The following RAB1A variants were observed in gnomAD, a reference collection of about 807,000 sequenced individuals.
RAB1A encodes ras-related protein Rab-1A.
A neutral mutation model predicts 26.0 loss-of-function variants in RAB1A; 2 were observed. The observed-to-expected ratio is 0.08, with a 90% CI of 0.03 to 0.24. RAB1A has a LOEUF of 0.24. Ranked by LOEUF, RAB1A falls within the 10% of genes least tolerant of loss-of-function variation. The pLI, the probability that RAB1A is intolerant of heterozygous loss-of-function variation, is 1.00. For missense variants in RAB1A, 100 were observed against 247.0 expected (o/e 0.40, Z 3.99); for synonymous variants, 84 against 84.9 (o/e 0.99, Z 0.06).
chr2:65,091,593 C>G (rs1005990250), intron 3 of RAB1A, among the ~76,000 whole-genome samples: 1 of 152,174 alleles, frequency 6.6e-6, no homozygotes, highest in Non-Finnish European at 1.5e-5. Flanking sequence ...GTGGCATGAT[C>G]ATGGCTCGCT....
intron 1 of RAB1A, among the ~76,000 whole-genome samples, chr2:65,119,132 G>A (rs1669891867): frequency 2.0e-5 from 3 of 152,164 alleles, no homozygotes; most frequent in Non-Finnish European, 2.9e-5. Context: ...CAGAGCCTGG[G>A]AAGTCCAGGC....
At chr2:65,108,367 A>AT (rs1371202352) in intron 1 of RAB1A, among the ~76,000 whole-genome samples, 1 of 124,172 alleles carries the variant, frequency 8.1e-6, no homozygotes, top group Non-Finnish European at 1.7e-5. Flanking sequence ...AAAAAAAAAA[A>AT]AAAAGAAAGA....
In RAB1A at chr2:65,115,105, C is replaced by A. The variant is rs553300271; in HGVS notation, c.24-10299G>T. 4.6e-5 allele frequency among the ~76,000 whole-genome samples: 7 copies of A among 152,268 alleles called. No homozygotes were observed. In the South Asian group the frequency reaches 1.5e-3, roughly 32 times the overall value. On this transcript the variant is annotated intron_variant, in intron 1 of 5. Transcript: ENST00000409784. ...AGGGCAGAACCATGCTCTTGAAGTTCCCAGCCTCCAGAACCACAGGCCAAA... is the reference window on the plus strand; with the variant it reads ...AGGGCAGAACCATGCTCTTGAAGTTACCAGCCTCCAGAACCACAGGCCAAA...
intron 1 of RAB1A, among the ~76,000 whole-genome samples, chr2:65,108,604 C>T (rs946270428): frequency 6.6e-6 from 1 of 151,880 alleles, no homozygotes; most frequent in African/African-American, 2.4e-5. Context: ...GTTGGGAGTT[C>T]GAGACCAGCC....
intron 1 of RAB1A, among the ~76,000 whole-genome samples, chr2:65,119,762 T>C (rs1216295239): frequency 7.7e-6 from 1 of 129,302 alleles, no homozygotes; most frequent in Non-Finnish European, 1.5e-5. Context: ...CCTAGCACTT[T>C]GGGAGGCTAA....
intron 3 of RAB1A, among the ~76,000 whole-genome samples, chr2:65,091,716 A>G (rs1219811459): frequency 6.6e-6 from 1 of 152,048 alleles, no homozygotes; most frequent in East Asian, 1.9e-4. Context: ...GTAGAGACAG[A>G]GTCTCGCTAC....
chr2:65,111,886 C>T (rs1249312024), intron 1 of RAB1A, among the ~76,000 whole-genome samples: 1 of 152,078 alleles, frequency 6.6e-6, no homozygotes, highest in African/African-American at 2.4e-5. Flanking sequence ...GAGTTTGAGA[C>T]CAGCCTGGCC....
intron 4 of RAB1A, among the ~76,000 whole-genome samples, 194 bp downstream of exon 4, chr2:65,090,789 T>C (rs1197784696): frequency 1.3e-5 from 2 of 152,216 alleles, no homozygotes; most frequent in African/African-American, 4.8e-5. Flanking sequence ...GTAAAACTAA[T>C]TACTAATCTT....
chr2:65,125,183 A>C (rs1573094557), intron 1 of RAB1A, among the ~76,000 whole-genome samples: 1 of 152,202 alleles, frequency 6.6e-6, no homozygotes, highest in East Asian at 1.9e-4. Flanking sequence ...AAATAAGGTA[A>C]ATACTTTAAA....
At chr2:65,125,033 T>C (rs542432532) in intron 1 of RAB1A, among the ~76,000 whole-genome samples, 12 of 141,676 alleles carry the variant, frequency 8.5e-5, no homozygotes, top group African/African-American at 2.3e-4. Context: ...TAAAAATTAT[T>C]TGAAACACAA....
At chr2:65,110,963 A>G (rs1669680758) in intron 1 of RAB1A, among the ~76,000 whole-genome samples, 2 of 152,124 alleles carry the variant, frequency 1.3e-5, no homozygotes, top group African/African-American at 4.8e-5. Flanking sequence ...GAAAAAAGAA[A>G]AAGAAAAAAT....
At chr2:65,123,991 A>G (rs116035485) in intron 1 of RAB1A, among the ~76,000 whole-genome samples, 343 of 151,854 alleles carry the variant, frequency 2.3e-3, no homozygotes, top group Non-Finnish European at 4.0e-3. Context: ...GGAAATTTTT[A>G]TTTTTTATTT....
chr2:65,094,392 G>A (rs375415932), intron 3 of RAB1A, among the ~76,000 whole-genome samples: 2 of 151,974 alleles, frequency 1.3e-5, no homozygotes, highest in Admixed American at 6.6e-5. Context: ...CGAGACCAGC[G>A]TGACCAACAT....
chr2:65,116,268 T>A (rs1669824405), intron 1 of RAB1A, among the ~76,000 whole-genome samples: 2 of 152,038 alleles, frequency 1.3e-5, no homozygotes, highest in African/African-American at 4.8e-5. Context: ...GACAAAAGGG[T>A]AGACAGTCTT....
At chr2:65,117,412 T>C (rs1669850845) in intron 1 of RAB1A, among the ~76,000 whole-genome samples, 1 of 151,968 alleles carries the variant, frequency 6.6e-6, no homozygotes, top group African/African-American at 2.4e-5. Context: ...TTGCTCAGGC[T>C]GATTTGAACT....
intron 3 of RAB1A, among the ~76,000 whole-genome samples, chr2:65,094,446 T>C (rs544979982): frequency 4.3e-4 from 65 of 151,712 alleles, no homozygotes; most frequent in African/African-American, 1.4e-3. Flanking sequence ...TAGCCCGGCG[T>C]GGTGGCACAT....
intron 1 of RAB1A, among the ~76,000 whole-genome samples, chr2:65,113,713 C>T (rs1055065752): frequency 7.9e-5 from 12 of 152,068 alleles, no homozygotes; most frequent in Non-Finnish European, 1.5e-4. Context: ...AATTCTAAAA[C>T]CTCCAAAATA....
chr2:65,089,324 C>T (rs575177409), intron 4 of RAB1A, among the ~76,000 whole-genome samples: 6 of 152,206 alleles, frequency 3.9e-5, no homozygotes, highest in East Asian at 1.9e-4. Flanking sequence ...GCCATCCTCC[C>T]GCCTCCGCCT....
intron 3 of RAB1A, among the ~76,000 whole-genome samples, chr2:65,094,349 C>T (rs1669236170): frequency 6.6e-6 from 1 of 152,134 alleles, no homozygotes; most frequent in Non-Finnish European, 1.5e-5. Flanking sequence ...CTTTGGGAGG[C>T]CAAGGCAGGC....
Sources: gnomAD v4.1 joint callset for allele counts (sites outside exome capture counted in the v4.1 genomes callset) on GRCh38, gnomAD v4.1.1 for gene constraint, MANE v1.5 for transcripts, NCBI Gene and HGNC (gene_info 2026-07-23, HGNC 2026-07-21) for gene names.